The following EDIL3 variants were observed in gnomAD, a reference collection of about 807,000 sequenced individuals.
EDIL3 encodes EGF like and discoidin domains 3.
In EDIL3, 37 loss-of-function variants were observed where a neutral mutation model predicts 67.4. The observed-to-expected ratio is 0.55, with a 90% CI of 0.42 to 0.72. The LOEUF is 0.72. Ranked by LOEUF, EDIL3 falls within the 30% of genes least tolerant of loss-of-function variation. The pLI, the probability that EDIL3 is intolerant of heterozygous loss-of-function variation, is 0.00. For missense variants in EDIL3, 527 were observed against 586.3 expected (o/e 0.90, Z 1.04); for synonymous variants, 195 against 196.3 (o/e 0.99, Z 0.05).
At position 84,180,437 on chromosome 5, in the gene EDIL3, A is replaced by G; in HGVS notation, c.311T>C (p.Val104Ala). 2 of 1,609,252 alleles carry G rather than the reference A, an allele frequency of 1.2e-6. No homozygotes were observed. Among genetic ancestry groups the G allele is most frequent in the Non-Finnish European group, 1.7e-6 (2 of 1,177,750 alleles). Residue 104 changes from valine (V) to alanine (A), a missense_variant, in exon 4 of 11, where the codon GTT becomes GCT. Val to Ala is a moderately conservative substitution (Grantham distance 64). Transcript: ENST00000296591. ...AYRGDTFIGYVCKCPRGFNGI... is the reference protein window; with the variant it reads ...AYRGDTFIGYACKCPRGFNGI... ...ATTAAATCCTCGGGGACATTTACAA[A>G]CATAGCCTATGAATGTATCCCCTCG...
chr5:83,946,788 T>A (rs1254640278), intron 10 of EDIL3, among the ~76,000 whole-genome samples: 2 of 151,902 alleles, frequency 1.3e-5, no homozygotes. Context: ...TTAGCAGTCA[T>A]CGAATAGGAC....
intron 3 of EDIL3, among the ~76,000 whole-genome samples, chr5:84,216,823 A>G (rs558786457): frequency 6.6e-6 from 1 of 152,220 alleles, no homozygotes; most frequent in African/African-American, 2.4e-5. Flanking sequence ...GATGAGCAAC[A>G]TTGTGGTGAG....
intron 3 of EDIL3, among the ~76,000 whole-genome samples, chr5:84,194,323 C>T (rs1053904060): frequency 9.2e-5 from 14 of 151,840 alleles, no homozygotes; most frequent in African/African-American, 3.4e-4. Context: ...GACTACACAT[C>T]TAAAACTGAT....
chr5:83,998,860 G>A (rs1745278377), intron 9 of EDIL3, among the ~76,000 whole-genome samples: 1 of 152,182 alleles, frequency 6.6e-6, no homozygotes, highest in Non-Finnish European at 1.5e-5. Context: ...CTTCAGGTGT[G>A]ACCCAGCACT....
chr5:84,264,730 C>A (rs1343240504), intron 1 of EDIL3, among the ~76,000 whole-genome samples: 3 of 152,066 alleles, frequency 2.0e-5, no homozygotes, highest in Admixed American at 1.3e-4. Flanking sequence ...CAGCAGAGGA[C>A]AAACTAAAAT....
intron 1 of EDIL3, among the ~76,000 whole-genome samples, chr5:84,262,155 T>A (rs1236074534): frequency 6.6e-6 from 1 of 152,222 alleles, no homozygotes; most frequent in Non-Finnish European, 1.5e-5. Context: ...ATCCAGTGGT[T>A]CTCAGACTTT....
At chr5:84,026,896 G>A (rs1561407493) in intron 9 of EDIL3, among the ~76,000 whole-genome samples, 1 of 152,030 alleles carries the variant, frequency 6.6e-6, no homozygotes, top group East Asian at 1.9e-4. Context: ...GACCAGCCTG[G>A]CAACATGGCA....
intron 4 of EDIL3, among the ~76,000 whole-genome samples, chr5:84,170,830 T>G (rs1236435692): frequency 6.6e-6 from 1 of 152,158 alleles, no homozygotes; most frequent in Non-Finnish European, 1.5e-5. Flanking sequence ...AGTCTTGTTT[T>G]GTTGCCCGGG....
intron 2 of EDIL3, among the ~76,000 whole-genome samples, chr5:84,238,227 C>A (rs1435087889): frequency 1.3e-5 from 2 of 151,964 alleles, no homozygotes; most frequent in African/African-American, 4.8e-5. Flanking sequence ...TGACTTTTTA[C>A]CATTTTAATA....
chr5:84,278,784 A>G (rs1745638091), intron 1 of EDIL3, among the ~76,000 whole-genome samples: 1 of 151,576 alleles, frequency 6.6e-6, no homozygotes, highest in Non-Finnish European at 1.5e-5. Context: ...CCTCTCCCAG[A>G]GGACCAAGTA....
intron 1 of EDIL3, among the ~76,000 whole-genome samples, chr5:84,318,857 A>C (rs1746566981): frequency 6.6e-6 from 1 of 152,222 alleles, no homozygotes; most frequent in African/African-American, 2.4e-5. Context: ...AACTATCAGC[A>C]GAGCGAACAG....
intron 1 of EDIL3, among the ~76,000 whole-genome samples, chr5:84,292,245 A>T (rs1745938614): frequency 6.6e-6 from 1 of 152,072 alleles, no homozygotes; most frequent in Non-Finnish European, 1.5e-5. Flanking sequence ...TCTCTTTCAT[A>T]CCTGCTTACT....
intron 9 of EDIL3, among the ~76,000 whole-genome samples, chr5:84,002,179 C>A (rs1407184363): frequency 6.6e-6 from 1 of 151,974 alleles, no homozygotes; most frequent in Admixed American, 6.6e-5. Context: ...AGGACAAAAA[C>A]CATATGATTA....
chr5:84,384,259 G>A (rs1748171558), intron 1 of EDIL3, 49 bp downstream of exon 1: 1 of 1,584,382 alleles, frequency 6.3e-7, no homozygotes, highest in East Asian at 2.3e-5. Flanking sequence ...GTTTCTCAGG[G>A]GACTCCCAGC....
intron 3 of EDIL3, among the ~76,000 whole-genome samples, chr5:84,197,427 G>A (rs1431875398): frequency 2.6e-5 from 4 of 151,834 alleles, no homozygotes; most frequent in Non-Finnish European, 5.9e-5. Flanking sequence ...CATGTATGAC[G>A]ACTCAAAGTT....
At chr5:84,126,237 A>G (rs898978116) in intron 5 of EDIL3, among the ~76,000 whole-genome samples, 22 of 152,092 alleles carry the variant, frequency 1.4e-4, no homozygotes, top group African/African-American at 5.3e-4. Flanking sequence ...TGGACATTCA[A>G]TGAAAATGGC....
At chr5:84,002,927 C>T (rs1745356266) in intron 9 of EDIL3, among the ~76,000 whole-genome samples, 1 of 152,154 alleles carries the variant, frequency 6.6e-6, no homozygotes, top group African/African-American at 2.4e-5. Context: ...TGGTTTGGGC[C>T]CACAGCACAG....
intron 6 of EDIL3, among the ~76,000 whole-genome samples, chr5:84,068,483 C>T (rs1009371771): frequency 6.6e-6 from 1 of 152,044 alleles, no homozygotes; most frequent in Admixed American, 6.6e-5. Flanking sequence ...TTTTCTAAAG[C>T]TTTAATTGTA....
At chr5:84,011,317 C>T (rs1745513628) in intron 9 of EDIL3, among the ~76,000 whole-genome samples, 1 of 152,168 alleles carries the variant, frequency 6.6e-6, no homozygotes, top group Admixed American at 6.6e-5. Flanking sequence ...TCAAAGCCTA[C>T]ATTCATTCTG....
Sources: allele counts gnomAD v4.1 joint callset (sites outside exome capture counted in the v4.1 genomes callset), GRCh38; gene constraint gnomAD v4.1.1; transcripts MANE v1.5; gene names NCBI Gene and HGNC (gene_info 2026-07-23, HGNC 2026-07-21).